The following UNC79 variants were observed in gnomAD, a reference collection of about 807,000 sequenced individuals.
UNC79 encodes the protein protein unc-79 homolog.
Under a neutral mutation model 283.1 loss-of-function variants are expected in UNC79, and 37 were observed. The observed-to-expected ratio is 0.13, with a 90% CI of 0.10 to 0.17. The LOEUF is 0.17. Ranked by LOEUF, UNC79 falls within the 10% of genes least tolerant of loss-of-function variation. UNC79 has a pLI of 1.00. For missense variants in UNC79, 2,272 were observed against 3,211.1 expected (o/e 0.71, Z 7.07); for synonymous variants, 1,107 against 1,200.2 (o/e 0.92, Z 1.61).
intron 14 of UNC79, among the ~76,000 whole-genome samples, chr14:93,565,504 C>T (rs1566661120): frequency 6.6e-6 from 1 of 152,144 alleles, no homozygotes; most frequent in Non-Finnish European, 1.5e-5. Flanking sequence ...AAGCAGGGCC[C>T]TAGGGTATCC....
intron 1 of UNC79, chr14:93,347,443 GC>G (rs1321126812): frequency 2.1e-6 from 3 of 1,409,288 alleles, no homozygotes; most frequent in Non-Finnish European, 2.8e-6. Flanking sequence ...CGTGGCCCTG[GC>G]GGGGCGCCCC....
In UNC79 at chr14:93,653,926, C is replaced by T. The variant is rs751797205; in HGVS notation, c.6197-14C>T. On this transcript the variant is annotated splice_polypyrimidine_tract_variant and intron_variant, in intron 36 of 48. Coordinates refer to ENST00000555664, the Ensembl canonical transcript of UNC79. ...CAGACACCCAAACACTAAATCCGAT[C>T]GTTGACTTTCCAGATGGGACTTTTT... The T allele has an allele frequency of 8.1e-6, 13 of 1,614,146 alleles. No individual in the cohort carries two copies. Among genetic ancestry groups the T allele is most frequent in the Non-Finnish European group, 1.1e-5 (13 of 1,179,980 alleles).
intron 1 of UNC79, among the ~76,000 whole-genome samples, chr14:93,431,828 G>A (rs992866697): frequency 6.6e-6 from 1 of 152,150 alleles, no homozygotes; most frequent in Non-Finnish European, 1.5e-5. Flanking sequence ...TTTCTAATAT[G>A]GTTCCCATAG....
intron 1 of UNC79, among the ~76,000 whole-genome samples, chr14:93,364,562 T>A: frequency 1.8e-5 from 1 of 56,968 alleles, no homozygotes; most frequent in Non-Finnish European, 4.6e-5. Context: ...AGGCTCAGTT[T>A]CAACATATAC....
chr14:93,555,576 G>C (rs1434063779), intron 14 of UNC79, among the ~76,000 whole-genome samples: 1 of 151,994 alleles, frequency 6.6e-6, no homozygotes, highest in Non-Finnish European at 1.5e-5. Flanking sequence ...GCTAATTTTT[G>C]TATTTTTAGT....
At chr14:93,497,976 T>C (rs1185712162) in intron 7 of UNC79, among the ~76,000 whole-genome samples, 5 of 148,522 alleles carry the variant, frequency 3.4e-5, no homozygotes, top group Non-Finnish European at 7.4e-5. Flanking sequence ...CAGAGCGAGA[T>C]TCTGTCTAAA....
intron 27 of UNC79, among the ~76,000 whole-genome samples, chr14:93,613,325 A>T (rs866650321): frequency 6.7e-4 from 99 of 147,308 alleles, no homozygotes; most frequent in Non-Finnish European, 6.0e-4. Flanking sequence ...TGTGTGTGTG[A>T]GAGAGAGAGA....
Position 93,706,810 on chromosome 14 carries a change from C to A in UNC79, c.7697C>A (p.Ala2566Glu), listed in dbSNP as rs142837458. The A allele has an allele frequency of 1.8e-4, 291 of 1,614,246 alleles. No individual in the cohort carries two copies. The African/African-American group carries it at 3.5e-3, about 20-fold the overall frequency. Residue 2566 changes from alanine (A) to glutamate (E), a missense_variant, in exon 49 of 49, where the codon GCA becomes GAA. By Grantham distance (107) the Ala-to-Glu change is moderately radical. Around this residue, in one of 11 missense-constraint regions of UNC79, gnomAD observed 225 missense variants for 334.2 expected, o/e 0.67. Transcript: ENST00000555664. ...TCGGGCCAGAGCAGTGCTGGCCTGG[C>A]AGCCCTCCGAAAGTGGTTGCAGTGC... is the stretch of plus-strand genomic sequence containing the variant.
intron 1 of UNC79, among the ~76,000 whole-genome samples, chr14:93,337,036 G>A (rs921066790): frequency 6.6e-6 from 1 of 152,206 alleles, no homozygotes; most frequent in Non-Finnish European, 1.5e-5. Context: ...ACCAGAGATG[G>A]CCTAAAGCCT....
intron 2 of UNC79, among the ~76,000 whole-genome samples, chr14:93,470,780 A>G (rs1026500512): frequency 6.6e-6 from 1 of 152,194 alleles, no homozygotes; most frequent in African/African-American, 2.4e-5. Flanking sequence ...GTTTGCTTTT[A>G]GCATTAGAAG....
intron 12 of UNC79, among the ~76,000 whole-genome samples, chr14:93,540,259 C>T (rs1312340298): frequency 2.0e-5 from 3 of 152,184 alleles, no homozygotes; most frequent in Non-Finnish European, 1.5e-5. Flanking sequence ...TCCATTTGGG[C>T]ACAAGCTCCT....
chr14:93,436,094 A>G lies in UNC79; in HGVS notation c.22+5043A>G, dbSNP rs555022702. Among the ~76,000 whole-genome samples, 15 of 152,342 alleles carry G rather than the reference A, an allele frequency of 9.8e-5. No individual in the cohort carries two copies. The South Asian group carries it at 3.1e-3, about 32-fold the overall frequency. On this transcript the variant is annotated intron_variant, in intron 1 of 48. Transcript: ENST00000555664. Reference sequence around the variant, plus strand: ...CTTGTCCAGTGCATAGTGTTTGCACAAAAATCATTTCTTGAAAAAGTAAAA... The same window carrying G: ...CTTGTCCAGTGCATAGTGTTTGCACGAAAATCATTTCTTGAAAAAGTAAAA...
intron 22 of UNC79, among the ~76,000 whole-genome samples, chr14:93,588,566 C>T (rs1289353061): frequency 6.6e-6 from 1 of 151,824 alleles, no homozygotes; most frequent in Non-Finnish European, 1.5e-5. Flanking sequence ...CAGTGAAACC[C>T]TGTCTTTACT....
chr14:93,529,344 A>G lies in UNC79; in HGVS notation c.1093+18A>G. Reference sequence around the variant, plus strand: ...GCCACAAGGTATGGTTTACTTAGGAAAGGATGAATAATGAGTAATCATGAC... The same window carrying G: ...GCCACAAGGTATGGTTTACTTAGGAGAGGATGAATAATGAGTAATCATGAC... On this transcript the variant is annotated intron_variant, in intron 10 of 48. Coordinates refer to ENST00000555664, the Ensembl canonical transcript of UNC79. The G allele has an allele frequency of 1.9e-6, 3 of 1,613,300 alleles. No individual in the cohort carries two copies. The highest frequency in any genetic ancestry group is 2.5e-6 in the Non-Finnish European group (3 of 1,179,548).
intron 41 of UNC79, among the ~76,000 whole-genome samples, chr14:93,677,904 T>A (rs2073488425): frequency 6.6e-6 from 1 of 152,210 alleles, no homozygotes; most frequent in Non-Finnish European, 1.5e-5. Context: ...TGCCTCGGCC[T>A]CCCAAAGTGC....
At chr14:93,366,298 T>C (rs571775658) in intron 1 of UNC79, among the ~76,000 whole-genome samples, 3 of 152,294 alleles carry the variant, frequency 2.0e-5, no homozygotes, top group African/African-American at 7.2e-5. Context: ...AGGATATAAA[T>C]GTTATCACAA....
At chr14:93,647,915 G>A (rs1419802082) in intron 35 of UNC79, among the ~76,000 whole-genome samples, 2 of 152,222 alleles carry the variant, frequency 1.3e-5, no homozygotes, top group Non-Finnish European at 2.9e-5. Context: ...GAGAGCTTGT[G>A]CAGGGGAACT....
At chr14:93,698,894 A>G (rs1054301666) in intron 47 of UNC79, among the ~76,000 whole-genome samples, 1 of 152,180 alleles carries the variant, frequency 6.6e-6, no homozygotes, top group African/African-American at 2.4e-5. Flanking sequence ...ACCATTTACT[A>G]TATATGTATT....
chr14:93,661,736 A>G (rs2071621884), intron 39 of UNC79, among the ~76,000 whole-genome samples: 1 of 152,192 alleles, frequency 6.6e-6, no homozygotes, highest in African/African-American at 2.4e-5. Flanking sequence ...TGCTTTACAT[A>G]TATTATCTCT....
Sources: allele counts gnomAD v4.1 joint callset (sites outside exome capture counted in the v4.1 genomes callset), GRCh38; gene constraint gnomAD v4.1.1; regional missense constraint gnomAD v4.1.1; transcripts MANE v1.5; gene names NCBI Gene and HGNC (gene_info 2026-07-23, HGNC 2026-07-21).